Variants in MFSD6 observed in about 807,000 individuals in gnomAD.
The protein encoded by MFSD6 is major facilitator superfamily domain containing 6, also known as major facilitator superfamily domain-containing protein 6.
In MFSD6, 26 loss-of-function variants were observed where a neutral mutation model predicts 56.3. The observed-to-expected ratio is 0.46, with a 90% CI of 0.34 to 0.64. MFSD6 has a LOEUF of 0.64. Ranked by LOEUF, MFSD6 falls within the 30% of genes least tolerant of loss-of-function variation. The pLI, the probability that MFSD6 is intolerant of heterozygous loss-of-function variation, is 0.01. For synonymous variants in MFSD6, 331 were observed against 366.9 expected, an observed-to-expected ratio of 0.90 and a Z score of 1.12; for missense variants, 750 against 986.2, an observed-to-expected ratio of 0.76 and a Z score of 3.21.
In MFSD6 at chr2:190,491,111, T is replaced by A. The variant is rs760866061; in HGVS notation, c.1891+1245T>A. Among the ~76,000 whole-genome samples, 1 of 152,168 alleles carries A rather than the reference T, an allele frequency of 6.6e-6. No individual in the cohort carries two copies. Among genetic ancestry groups the A allele is most frequent in the Non-Finnish European group, 1.5e-5 (1 of 68,034 alleles). On this transcript the variant is annotated intron_variant, in intron 6 of 7. Transcript: ENST00000392328. The surrounding 1 kb of genome is among the most constrained non-coding windows in gnomAD (Gnocchi z 4.2). ...ATCTTTGCTATTAATCACAAAAAAATTTAAAATCATTAATTAAACATTCAA... is the reference window on the plus strand; with the variant it reads ...ATCTTTGCTATTAATCACAAAAAAAATTAAAATCATTAATTAAACATTCAA...
rs566041931 is a variant in MFSD6 at position 190,480,727 on chromosome 2, A to T, written c.1631-7930A>T. On this transcript the variant is annotated intron_variant, in intron 4 of 7. Transcript: ENST00000392328. ...CTCTGTGTCTTTGGACAAAATGCTT[A>T]ATCTCTCTAAGCCACAGACTCTTGA... 8.5e-5 allele frequency among the ~76,000 whole-genome samples: 13 copies of T among 152,386 alleles called. 1 individual carries two copies. Among genetic ancestry groups the T allele is most frequent in the African/African-American group, 3.1e-4 (13 of 41,590 alleles).
intron 4 of MFSD6, among the ~76,000 whole-genome samples, chr2:190,475,796 A>G (rs952983104): frequency 6.6e-6 from 1 of 152,210 alleles, no homozygotes; most frequent in African/African-American, 2.4e-5. Context: ...GCATCACACT[A>G]CCTGACTTCA....
rs1686059560 is a variant in MFSD6 at position 190,433,006 on chromosome 2, G to A, written c.-53-2971G>A. On this transcript the variant is annotated intron_variant, in intron 2 of 7. Transcript: ENST00000392328. This position sits in a 1 kb window ranked among gnomAD's most constrained non-coding sequence, Gnocchi z 4.5. ...ATCAACCAAGGTTTTAGTTTTCTCAGATCTACCAAGTCTTTTACCAATTGT... is the reference window on the plus strand; with the variant it reads ...ATCAACCAAGGTTTTAGTTTTCTCAAATCTACCAAGTCTTTTACCAATTGT... 6.6e-6 allele frequency among the ~76,000 whole-genome samples: 1 copy of A among 152,100 alleles called. No individual in the cohort carries two copies. The highest frequency in any genetic ancestry group is 2.4e-5 in the African/African-American group (1 of 41,416).
intron 4 of MFSD6, among the ~76,000 whole-genome samples, chr2:190,475,771 AG>A (rs1688268605): frequency 6.6e-6 from 1 of 152,248 alleles, no homozygotes; most frequent in Non-Finnish European, 1.5e-5. Context: ...CTAAGCCAAA[AG>A]AACAAAGCTG....
rs36117421 is a variant in MFSD6, at chr2:190,424,235, C to CTT, written c.-54+8834_-54+8835dup. 7.0e-6 allele frequency among the ~76,000 whole-genome samples: 1 copy of CTT among 143,094 alleles called. No individual in the cohort carries two copies. The highest frequency in any genetic ancestry group is 1.5e-5 in the Non-Finnish European group (1 of 65,034). The allele number at this position is 143,094 out of a possible 152,430, so 93.9% of individuals were successfully genotyped here. A position where few individuals can be genotyped will look rare whatever the true frequency, so the allele number is the denominator to read the frequency against. ...ACTAGAGGCTAAAGATTTTCTTCTT[C>CTT]TTTTTTTTTTTTTCTAAATGTTTTA... On this transcript the variant is annotated intron_variant, in intron 2 of 7. Transcript: ENST00000392328. The surrounding 1 kb of genome is among the most constrained non-coding windows in gnomAD (Gnocchi z 5.9).
chr2:190,490,627 A>G lies in MFSD6; in HGVS notation c.1891+761A>G, dbSNP rs144873234. On this transcript the variant is annotated intron_variant, in intron 6 of 7. Transcript: ENST00000392328. This position sits in a 1 kb window ranked among gnomAD's most constrained non-coding sequence, Gnocchi z 4.5. ...TGAAATCTGAAGTTTTCTCTGAACC[A>G]GGGATGCCTTTATTAAGATTGTTCT... is the stretch of plus-strand genomic sequence containing the variant. Among the ~76,000 whole-genome samples, 204 of 152,290 alleles carry G rather than the reference A, an allele frequency of 1.3e-3. No individual in the cohort carries two copies. The highest frequency in any genetic ancestry group is 2.3e-3 in the Non-Finnish European group (155 of 68,018).
chr2:190,480,616 A>G (rs1688606794), intron 4 of MFSD6, among the ~76,000 whole-genome samples: 1 of 152,238 alleles, frequency 6.6e-6, no homozygotes, highest in Non-Finnish European at 1.5e-5. Flanking sequence ...GCAGATTACC[A>G]AAATATGCAA....
rs1264146235 is a variant in MFSD6, at chr2:190,426,475, T to A, written c.-53-9502T>A. Among the ~76,000 whole-genome samples the A allele has an allele frequency of 2.0e-5, 3 of 152,228 alleles. No homozygotes were observed. Among genetic ancestry groups the A allele is most frequent in the Non-Finnish European group, 2.9e-5 (2 of 68,040 alleles). On this transcript the variant is annotated intron_variant, in intron 2 of 7. Coordinates refer to ENST00000392328, the MANE Select transcript of MFSD6 (RefSeq NM_017694.4). This position sits in a 1 kb window ranked among gnomAD's most constrained non-coding sequence, Gnocchi z 4.7. ...ATTGCCTATCTAAGCATTTTTAGGA[T>A]GGCTTTTTAAAAATATTTTAAATTC...
Position 190,499,881 on chromosome 2 carries a change from C to G in MFSD6, c.2173-134C>G, listed in dbSNP as rs1232228892. 1 of 1,556,984 alleles carries G rather than the reference C, an allele frequency of 6.4e-7. No homozygotes were observed. Among genetic ancestry groups the G allele is most frequent in the South Asian group, 1.2e-5 (1 of 84,038 alleles). ...GGTAAGACATTCTATCCTTATTCCT[C>G]TATTACTTGGTCCCTGAAATGGGCA... On this transcript the variant is annotated intron_variant, in intron 7 of 7. Transcript: ENST00000392328. The surrounding 1 kb of genome is among the most constrained non-coding windows in gnomAD (Gnocchi z 6.0).
Position 190,492,967 on chromosome 2 carries a change from T to TA in MFSD6, c.1891+3111dup, listed in dbSNP as rs112985577. 4.0e-5 allele frequency among the ~76,000 whole-genome samples: 6 copies of TA among 149,730 alleles called. No individual in the cohort carries two copies. The highest frequency in any genetic ancestry group is 6.0e-5 in the Non-Finnish European group (4 of 67,184). On this transcript the variant is annotated intron_variant, in intron 6 of 7. Transcript: ENST00000392328. The surrounding 1 kb of genome is among the most constrained non-coding windows in gnomAD (Gnocchi z 5.2). ...CAGGACCTATAAAACAAAATACAAT[T>TA]AAAAAAAAAAGCAAGGTATATAGGC...
chr2:190,426,305 C>T lies in MFSD6; in HGVS notation c.-53-9672C>T, dbSNP rs1685782668. ...TATCCCAATTCACTCATTAATCCCT[C>T]TGTCCCCTTTATTCTGCTTTATTAA... On this transcript the variant is annotated intron_variant, in intron 2 of 7. Transcript: ENST00000392328. The surrounding 1 kb of genome is among the most constrained non-coding windows in gnomAD (Gnocchi z 4.7). Among the ~76,000 whole-genome samples the T allele has an allele frequency of 6.6e-6, 1 of 152,194 alleles. No individual in the cohort carries two copies. Among genetic ancestry groups the T allele is most frequent in the Non-Finnish European group, 1.5e-5 (1 of 68,028 alleles).
At position 190,447,155 on chromosome 2, in the gene MFSD6, T is replaced by A. The variant is rs1459951604; in HGVS notation, c.1532+9594T>A. On this transcript the variant is annotated intron_variant, in intron 3 of 7. Transcript: ENST00000392328. This position sits in a 1 kb window ranked among gnomAD's most constrained non-coding sequence, Gnocchi z 4.5. ...TAAAAATATTAGCGCACTCAAGGTGTCTGACATGGAATTATTTTAACACAA... is the reference window on the plus strand; with the variant it reads ...TAAAAATATTAGCGCACTCAAGGTGACTGACATGGAATTATTTTAACACAA... 1.6e-3 allele frequency among the ~76,000 whole-genome samples: 239 copies of A among 152,260 alleles called. 1 individual carries two copies. Among genetic ancestry groups the A allele is most frequent in the African/African-American group, 5.6e-3 (231 of 41,542 alleles).
chr2:190,472,863 G>A (rs1204719673), intron 4 of MFSD6, among the ~76,000 whole-genome samples: 6 of 152,198 alleles, frequency 3.9e-5, no homozygotes, highest in African/African-American at 1.2e-4. Context: ...ACAAAGGGAA[G>A]CCCATCAGAT....
rs944243089 is a variant in MFSD6, at chr2:190,469,956, GCCTA to G, written c.1630+103_1630+106del. 3.9e-6 allele frequency: 3 copies of G among 776,336 alleles called. No homozygotes were observed. In the African/African-American group the frequency reaches 5.2e-5, roughly 13 times the overall value. 48.1% of individuals were successfully genotyped at this position (776,336 alleles called of 1,614,324 possible). ...ATCTGATTCTATAAAGGAAGGGCAG[GCCTA>G]CTGTTTCATGTGATTTTGAAGTGGT... On this transcript the variant is annotated intron_variant, in intron 4 of 7. Coordinates refer to ENST00000392328, the MANE Select transcript of MFSD6 (RefSeq NM_017694.4). The surrounding 1 kb of genome is among the most constrained non-coding windows in gnomAD (Gnocchi z 5.3).
In MFSD6 at chr2:190,431,105, C is replaced by G. The variant is rs1218618350; in HGVS notation, c.-53-4872C>G. ...GCAGAGGCGCTCCTCACATCCCAGA[C>G]AGGGCGGCGGGGCAGAGGCGCTCCC... On this transcript the variant is annotated intron_variant, in intron 2 of 7. Transcript: ENST00000392328. This position sits in a 1 kb window ranked among gnomAD's most constrained non-coding sequence, Gnocchi z 4.4. Among the ~76,000 whole-genome samples, 1 of 140,370 alleles carries G rather than the reference C, an allele frequency of 7.1e-6. No individual in the cohort carries two copies. The highest frequency in any genetic ancestry group is 1.5e-5 in the Non-Finnish European group (1 of 65,674). The allele number at this position is 140,370 out of a possible 152,430, so 92.1% of individuals were successfully genotyped here. A position where few individuals can be genotyped will look rare whatever the true frequency, so the allele number is the denominator to read the frequency against.
intron 3 of MFSD6, among the ~76,000 whole-genome samples, chr2:190,468,932 G>A (rs1419926545): frequency 6.6e-6 from 1 of 152,140 alleles, no homozygotes; most frequent in African/African-American, 2.4e-5. Context: ...CCTACCATTA[G>A]GGTGTATTTT....
Position 190,498,250 on chromosome 2 carries a change from C to T in MFSD6, c.2172+531C>T, listed in dbSNP as rs149488485. Among the ~76,000 whole-genome samples the T allele has an allele frequency of 2.0e-5, 3 of 152,244 alleles. No individual in the cohort carries two copies. The highest frequency in any genetic ancestry group is 1.3e-4 in the Admixed American group (2 of 15,294). The stretch of plus-strand genomic sequence containing the variant: ...TGATCTTTCCTGAGTAAAGTTAAAG[C>T]ATGTTGATAAAAGTGTGGATAATTG... On this transcript the variant is annotated intron_variant, in intron 7 of 7. Transcript: ENST00000392328. The surrounding 1 kb of genome is among the most constrained non-coding windows in gnomAD (Gnocchi z 5.9).
At position 190,457,071 on chromosome 2, in the gene MFSD6, G is replaced by A. The variant is rs4597559; in HGVS notation, c.1533-12687G>A. 0.23 allele frequency among the ~76,000 whole-genome samples: 35,092 copies of A among 152,118 alleles called. 4,962 individuals are homozygous for A. Among genetic ancestry groups the A allele is most frequent in the South Asian group, 0.33 (1,597 of 4,828 alleles). Reference sequence around the variant, plus strand: ...CCAGAAGTCTATCTACACTAACACTGCTAGTCCGTTTCTTATGGTCCAATC... The same window carrying A: ...CCAGAAGTCTATCTACACTAACACTACTAGTCCGTTTCTTATGGTCCAATC... On this transcript the variant is annotated intron_variant, in intron 3 of 7. Transcript: ENST00000392328. The surrounding 1 kb of genome is among the most constrained non-coding windows in gnomAD (Gnocchi z 5.1).
Position 190,497,765 on chromosome 2 carries a change from T to C in MFSD6, c.2172+46T>C. ...TAGCAATATTACCTGTCACTCAAGA[T>C]ACCTTAACTGGGCTCAGTTTTAATT... On this transcript the variant is annotated intron_variant, in intron 7 of 7. Transcript: ENST00000392328. This position sits in a 1 kb window ranked among gnomAD's most constrained non-coding sequence, Gnocchi z 5.2. 6.4e-7 allele frequency: 1 copy of C among 1,564,228 alleles called. No individual in the cohort carries two copies. The highest frequency in any genetic ancestry group is 8.7e-7 in the Non-Finnish European group (1 of 1,144,680).
Sources: gnomAD v4.1 joint callset for allele counts (sites outside exome capture counted in the v4.1 genomes callset) on GRCh38, gnomAD v4.1.1 for gene constraint, Gnocchi (gnomAD v3.1) non-coding constraint, MANE v1.5 for transcripts, NCBI Gene and HGNC (gene_info 2026-07-23, HGNC 2026-07-21) for gene names.